Variants in DLG2 observed in about 807,000 individuals in gnomAD.
DLG2 encodes the protein disks large homolog 2.
DLG2 carries 45 observed loss-of-function variants against 132.5 expected under a neutral mutation model. The ratio of observed to expected loss-of-function variants is 0.34; its 90% confidence interval spans 0.27 to 0.44. DLG2 has a LOEUF of 0.44. Ranked by LOEUF, DLG2 falls within the 20% of genes least tolerant of loss-of-function variation. DLG2 has a pLI of 1.00. For missense variants in DLG2, 1,045 were observed against 1,196.9 expected, an observed-to-expected ratio of 0.87 and a Z score of 1.87; for synonymous variants, 424 against 419.6, an observed-to-expected ratio of 1.01 and a Z score of -0.13.
chr11:84,184,037 C>T (rs557937660), intron 8 of DLG2, among the ~76,000 whole-genome samples: 36 of 151,990 alleles, frequency 2.4e-4, no homozygotes, highest in Admixed American at 4.6e-4. Context: ...AATAAACATA[C>T]GTGTGCACGT....
chr11:84,875,529 T>A (rs1193770131), intron 6 of DLG2, among the ~76,000 whole-genome samples: 1 of 152,042 alleles, frequency 6.6e-6, no homozygotes, highest in Non-Finnish European at 1.5e-5. Context: ...CTGATGATTC[T>A]TCATCAACTA....
At chr11:84,327,424 T>G (rs1467718117) in intron 7 of DLG2, among the ~76,000 whole-genome samples, 1 of 152,220 alleles carries the variant, frequency 6.6e-6, no homozygotes, top group Non-Finnish European at 1.5e-5. Flanking sequence ...TTCTATCTTT[T>G]GATTGCAAAG....
chr11:83,501,703 G>C (rs567578911), intron 21 of DLG2, among the ~76,000 whole-genome samples: 16 of 152,184 alleles, frequency 1.1e-4, no homozygotes, highest in East Asian at 1.9e-4. Flanking sequence ...TTTTGTTCCT[G>C]TGATTGTTTC....
At chr11:84,623,451 A>G (rs2099617230) in intron 6 of DLG2, among the ~76,000 whole-genome samples, 1 of 152,180 alleles carries the variant, frequency 6.6e-6, no homozygotes, top group African/African-American at 2.4e-5. Context: ...CTTGTATAAC[A>G]CTTTATAGCT....
At chr11:83,486,673 T>C (rs2093532704) in intron 21 of DLG2, among the ~76,000 whole-genome samples, 1 of 152,038 alleles carries the variant, frequency 6.6e-6, no homozygotes, top group South Asian at 2.1e-4. Flanking sequence ...GAACAGAAAA[T>C]ACACACTAAT....
chr11:85,598,914 T>C lies in DLG2; in HGVS notation c.-92-126A>G, dbSNP rs2079965085. 10 of 373,590 alleles carry C rather than the reference T, an allele frequency of 2.7e-5. No individual in the cohort carries two copies. The East Asian group carries it at 4.1e-4, about 15-fold the overall frequency. 23.1% of individuals were successfully genotyped at this position (373,590 alleles called of 1,614,324 possible). On this transcript the variant is annotated intron_variant, in intron 2 of 27. Transcript: ENST00000376104. ...ATAACTTAATAAAATAATCATAATT[T>C]CTATAAACTACCATATGAAAATAAT...
At chr11:84,197,617 A>G (rs1006897782) in intron 8 of DLG2, among the ~76,000 whole-genome samples, 1 of 152,218 alleles carries the variant, frequency 6.6e-6, no homozygotes, top group African/African-American at 2.4e-5. Context: ...TTTGAATGCT[A>G]TTGGACTTAA....
chr11:84,983,867 GC>G (rs1373736040), intron 6 of DLG2, among the ~76,000 whole-genome samples: 3 of 152,220 alleles, frequency 2.0e-5, no homozygotes, highest in Admixed American at 1.3e-4. Flanking sequence ...GAAAGTCTCA[GC>G]AACAGAATCG....
chr11:85,422,014 C>T (rs1162212066), intron 3 of DLG2, among the ~76,000 whole-genome samples: 2 of 152,102 alleles, frequency 1.3e-5, no homozygotes, highest in South Asian at 4.1e-4. Context: ...AAGATAGGGC[C>T]CCAATCCCTT....
At position 85,473,196 on chromosome 11, in the gene DLG2, G is replaced by A. The variant is rs117465969; in HGVS notation, c.40+125461C>T. Among the ~76,000 whole-genome samples the A allele has an allele frequency of 7.5e-3, 1,148 of 152,360 alleles. 11 individuals are homozygous for A. Among genetic ancestry groups the A allele is most frequent in the Admixed American group, 0.011 (175 of 15,306 alleles). On this transcript the variant is annotated intron_variant, in intron 3 of 27. Transcript: ENST00000376104. Reference sequence around the variant, plus strand: ...CTTGGTGGGCCTGAGATCTAGGCCAGTAGCAAAAGCCAAGCACAGCCTGCT... The same window carrying A: ...CTTGGTGGGCCTGAGATCTAGGCCAATAGCAAAAGCCAAGCACAGCCTGCT...
intron 6 of DLG2, among the ~76,000 whole-genome samples, chr11:84,915,160 G>A (rs2092377215): frequency 6.6e-6 from 1 of 152,124 alleles, no homozygotes; most frequent in Admixed American, 6.5e-5. Context: ...ACATGTTACA[G>A]TGTTTTTCAA....
At chr11:83,899,219 A>G (rs1342752489) in intron 15 of DLG2, among the ~76,000 whole-genome samples, 1 of 152,136 alleles carries the variant, frequency 6.6e-6, no homozygotes, top group Non-Finnish European at 1.5e-5. Flanking sequence ...TTTCTCCGAA[A>G]CTTTGTAGTC....
chr11:83,663,012 C>T lies in DLG2; in HGVS notation c.1826-29687G>A, dbSNP rs540352892. ...TACCTGATTTGGTTGTAGCTGCCTC[C>T]ATTCCTAACTAGCAGTCTTCAAACA... On this transcript the variant is annotated intron_variant, in intron 18 of 27. Transcript: ENST00000376104. Among the ~76,000 whole-genome samples, 261 of 152,338 alleles carry T rather than the reference C, an allele frequency of 1.7e-3. 1 individual carries two copies. The highest frequency in any genetic ancestry group is 2.6e-3 in the Non-Finnish European group (180 of 68,036).
chr11:84,906,261 T>TA (rs1456684797), intron 6 of DLG2, among the ~76,000 whole-genome samples: 1 of 147,824 alleles, frequency 6.8e-6, no homozygotes. Context: ...TTTACATCCC[T>TA]AAAAAATTAA....
intron 6 of DLG2, among the ~76,000 whole-genome samples, chr11:84,795,786 G>T (rs1298524493): frequency 6.6e-6 from 1 of 152,168 alleles, no homozygotes; most frequent in Non-Finnish European, 1.5e-5. Flanking sequence ...AGGCTCTATG[G>T]TTTCTGGCAT....
intron 4 of DLG2, among the ~76,000 whole-genome samples, chr11:85,214,765 G>A (rs1257966637): frequency 1.3e-5 from 2 of 152,094 alleles, no homozygotes; most frequent in Non-Finnish European, 2.9e-5. Flanking sequence ...CTTAAATTAG[G>A]AAACTTGATT....
intron 6 of DLG2, among the ~76,000 whole-genome samples, chr11:84,892,923 G>C (rs528177285): frequency 6.6e-6 from 1 of 152,164 alleles, no homozygotes; most frequent in East Asian, 1.9e-4. Context: ...CAGAGAATAA[G>C]GCAGGTTTTC....
intron 6 of DLG2, among the ~76,000 whole-genome samples, chr11:84,689,023 ACTAT>A (rs747410465): frequency 2.8e-4 from 42 of 152,292 alleles, no homozygotes; most frequent in African/African-American, 1.0e-3. Flanking sequence ...CAGACTGGAG[ACTAT>A]CTACGTAAAA....
At chr11:84,291,761 C>A (rs1220781741) in intron 7 of DLG2, among the ~76,000 whole-genome samples, 2 of 152,158 alleles carry the variant, frequency 1.3e-5, no homozygotes, top group African/African-American at 4.8e-5. Context: ...AAACCTATTT[C>A]TTCATCTGTA....
Sources: gnomAD v4.1 joint callset for allele counts (sites outside exome capture counted in the v4.1 genomes callset) on GRCh38, gnomAD v4.1.1 for gene constraint, MANE v1.5 for transcripts, NCBI Gene and HGNC (gene_info 2026-07-23, HGNC 2026-07-21) for gene names.